Variants in PAIP1 observed in about 807,000 individuals in gnomAD.
The protein encoded by PAIP1 is poly(A) binding protein interacting protein 1.
In PAIP1, 16 loss-of-function variants were observed where a neutral mutation model predicts 61.3. That is an observed-to-expected ratio of 0.26 (90% CI 0.18 to 0.40). The LOEUF is 0.40. Among genes scored for constraint, PAIP1 ranks in the 10% least tolerant of loss-of-function variants. The probability of loss-of-function intolerance (pLI) is 1.00; values close to 1 mark genes in which losing one functional copy is unlikely to be tolerated. For missense variants in PAIP1, 416 were observed against 600.9 expected (o/e 0.69, Z 3.22); for synonymous variants, 187 against 226.2 (o/e 0.83, Z 1.56).
intron 2 of PAIP1, among the ~76,000 whole-genome samples, chr5:43,549,588 C>G (rs1319815131): frequency 6.6e-6 from 1 of 152,108 alleles, no homozygotes; most frequent in Non-Finnish European, 1.5e-5. Flanking sequence ...ACTGTAAGTC[C>G]AATTAAATCT....
rs746486089 is a variant in PAIP1 at position 43,548,769 on chromosome 5, T to G, written c.436-856A>C. On this transcript the variant is annotated intron_variant, in intron 2 of 10. Transcript: ENST00000306846. ...TCTAATAATAACTACACTGCTTGTATGAAATTTAACCTTCTCCAAACAGAG... is the reference window on the plus strand; with the variant it reads ...TCTAATAATAACTACACTGCTTGTAGGAAATTTAACCTTCTCCAAACAGAG... Among the ~76,000 whole-genome samples, 3 of 152,322 alleles carry G rather than the reference T, an allele frequency of 2.0e-5. No homozygotes were observed. In the South Asian group the frequency reaches 6.2e-4, roughly 32 times the overall value.
chr5:43,554,661 G>A (rs570519047), intron 2 of PAIP1, among the ~76,000 whole-genome samples: 1 of 152,218 alleles, frequency 6.6e-6, no homozygotes, highest in Admixed American at 6.5e-5. Context: ...GATACTATAT[G>A]CCCACCAGAA....
intron 2 of PAIP1, among the ~76,000 whole-genome samples, chr5:43,555,362 G>A (rs1419499217): frequency 6.6e-6 from 1 of 152,276 alleles, no homozygotes; most frequent in South Asian, 2.1e-4. Context: ...TTACTCATCT[G>A]GGTTTATCCA....
intron 5 of PAIP1, 91 bp from the exon 6 acceptor site, chr5:43,537,035 A>AT (rs1747184040): frequency 1.2e-6 from 1 of 853,812 alleles, no homozygotes; most frequent in Non-Finnish European, 1.8e-6. Context: ...CAAAATAAGC[A>AT]TTTTAGCTAA....
intron 2 of PAIP1, among the ~76,000 whole-genome samples, chr5:43,550,062 T>C (rs896250540): frequency 2.0e-5 from 3 of 151,228 alleles, no homozygotes; most frequent in Non-Finnish European, 3.0e-5. Flanking sequence ...TTAGCAAAAG[T>C]TGCATGTACT....
intron 2 of PAIP1, among the ~76,000 whole-genome samples, chr5:43,549,447 G>A (rs980910777): frequency 2.0e-5 from 3 of 151,852 alleles, no homozygotes; most frequent in Non-Finnish European, 2.9e-5. Context: ...TAGTGAATAC[G>A]TCTCACGAGA....
chr5:43,543,310 C>A lies in PAIP1; in HGVS notation c.622-194G>T, dbSNP rs878888325. Among the ~76,000 whole-genome samples the A allele has an allele frequency of 0.011, 1,091 of 95,010 alleles. No homozygotes were observed. Among genetic ancestry groups the A allele is most frequent in the African/African-American group, 0.017 (329 of 19,152 alleles). 62.3% of individuals were successfully genotyped at this position (95,010 alleles called of 152,430 possible). On this transcript the variant is annotated intron_variant, in intron 3 of 10. Coordinates refer to ENST00000306846, the MANE Select transcript of PAIP1 (RefSeq NM_006451.5). ...CTTACAGCAAGAACCACAATAAGTA[C>A]AAAAAAAAAAAAAAAAAGAAAAAAC...
intron 3 of PAIP1, 51 bp from the exon 4 acceptor site, chr5:43,543,167 G>T: frequency 1.1e-6 from 1 of 886,880 alleles, no homozygotes; most frequent in Non-Finnish European, 1.8e-6. Context: ...CATTATTAAT[G>T]TAAATACTTA....
At chr5:43,530,340 A>G (rs1746886329) in intron 9 of PAIP1, among the ~76,000 whole-genome samples, 1 of 152,218 alleles carries the variant, frequency 6.6e-6, no homozygotes, top group South Asian at 2.1e-4. Flanking sequence ...GCTACCTGGT[A>G]AACGTTTCAG....
At chr5:43,545,563 G>A (rs2112409734) in intron 3 of PAIP1, among the ~76,000 whole-genome samples, 1 of 152,260 alleles carries the variant, frequency 6.6e-6, no homozygotes, top group South Asian at 2.1e-4. Flanking sequence ...GTAAGTCATG[G>A]TGATTCTCAG....
chr5:43,531,730 G>C (rs898613789), intron 9 of PAIP1, among the ~76,000 whole-genome samples: 1 of 148,144 alleles, frequency 6.8e-6, no homozygotes, highest in Non-Finnish European at 1.5e-5. Context: ...GCAAGTAACT[G>C]TTAACAAAAA....
In PAIP1 at chr5:43,536,802, TAAA is replaced by T; in HGVS notation, c.972+14_972+16del. 1 of 1,113,718 alleles carries T rather than the reference TAAA, an allele frequency of 9.0e-7. No individual in the cohort carries two copies. The highest frequency in any genetic ancestry group is 1.3e-6 in the Non-Finnish European group (1 of 795,340). 69.0% of individuals were successfully genotyped at this position (1,113,718 alleles called of 1,614,324 possible). On this transcript the variant is annotated intron_variant, in intron 6 of 10. Transcript: ENST00000306846. ...AAGTAAATACGTAAATTAGTTAAAT[TAAA>T]AAAAAAAACCTACCTTTAACAATTT...
chr5:43,551,745 C>CTTGCAATCTTT (rs1554041143), intron 2 of PAIP1, among the ~76,000 whole-genome samples: 1 of 142,924 alleles, frequency 7.0e-6, no homozygotes, highest in Non-Finnish European at 1.5e-5. Context: ...GATTTGCAAT[C>CTTGCAATCTTT]TTTTTTTTTT....
At position 43,539,024 on chromosome 5, in the gene PAIP1, T is replaced by C; in HGVS notation, c.746A>G (p.Glu249Gly). ...RQLLLQRCRT[E>G]YEVKDQAAKG... ...TGCAGCTTGATCTTTAACTTCATATTCAGTCCGACATCTAATTAAAGACAT... is the reference window on the plus strand; with the variant it reads ...TGCAGCTTGATCTTTAACTTCATATCCAGTCCGACATCTAATTAAAGACAT... Residue 249 changes from glutamate to glycine, a missense_variant, in exon 5 of 11, where the codon GAA (glutamate) becomes GGA (glycine). Around this residue, in one of 4 missense-constraint regions of PAIP1, gnomAD observed 135 missense variants for 283.9 expected, o/e 0.48. Transcript: ENST00000306846. 1.3e-6 allele frequency: 2 copies of C among 1,591,418 alleles called. No individual in the cohort carries two copies. The highest frequency in any genetic ancestry group is 1.7e-6 in the Non-Finnish European group (2 of 1,159,672).
chr5:43,530,031 TG>T, intron 9 of PAIP1, 152 bp from the exon 10 acceptor site: 1 of 596,362 alleles, frequency 1.7e-6, no homozygotes, highest in Non-Finnish European at 3.0e-6. Flanking sequence ...AGATATAAGT[TG>T]GAAATCAAAG....
chr5:43,531,611 T>C (rs1178222559), intron 9 of PAIP1, among the ~76,000 whole-genome samples: 1 of 130,064 alleles, frequency 7.7e-6, no homozygotes, highest in Non-Finnish European at 1.6e-5. Context: ...AAGCCGAGGT[T>C]GCATCACCGC....
Position 43,543,022 on chromosome 5 carries a change from C to T in PAIP1, c.716G>A (p.Arg239His), listed in dbSNP as rs751556168. Residue 239 changes from arginine (R) to histidine (H), a missense_variant, in exon 4 of 11, where the codon CGC (arginine) becomes CAC (histidine). Around this residue, in one of 4 missense-constraint regions of PAIP1, gnomAD observed 135 missense variants for 283.9 expected, o/e 0.48. Coordinates refer to ENST00000306846, the MANE Select transcript of PAIP1 (RefSeq NM_006451.5). ...LTISPQSGNF[R>H]QLLLQRCRTE... The stretch of plus-strand genomic sequence containing the variant: ...CACTGACCTTTGAAGTAGCAATTGG[C>T]GGAAGTTGCCACTCTGTGGGCTAAT... The T allele has an allele frequency of 4.4e-6, 7 of 1,573,558 alleles. No individual in the cohort carries two copies. Among genetic ancestry groups the T allele is most frequent in the African/African-American group, 1.4e-5 (1 of 74,030 alleles).
chr5:43,535,347 G>A (rs1017894076), intron 7 of PAIP1, among the ~76,000 whole-genome samples, 187 bp downstream of exon 7: 6 of 152,162 alleles, frequency 3.9e-5, no homozygotes, highest in South Asian at 4.1e-4. Context: ...TATCTGACAC[G>A]TCTATCACAA....
At chr5:43,546,832 C>T (rs530538143) in intron 3 of PAIP1, among the ~76,000 whole-genome samples, 77 of 151,990 alleles carry the variant, frequency 5.1e-4, no homozygotes, top group East Asian at 3.9e-4. Context: ...CACTTGCGGT[C>T]AGGAGTTCGA....
Sources: gnomAD v4.1 joint callset for allele counts (sites outside exome capture counted in the v4.1 genomes callset) on GRCh38, gnomAD v4.1.1 for gene constraint, gnomAD v4.1.1 regional missense constraint, MANE v1.5 for transcripts, NCBI Gene and HGNC (gene_info 2026-07-23, HGNC 2026-07-21) for gene names.